GPHN: variants seen among roughly 807,000 people sequenced by gnomAD.
GPHN encodes the protein gephyrin.
In GPHN, 17 loss-of-function variants were observed where a neutral mutation model predicts 95.5. The ratio of observed to expected loss-of-function variants is 0.18; its 90% CI spans 0.12 to 0.27. GPHN has a LOEUF of 0.27. GPHN is among the 10% of genes least tolerant of loss of function. The pLI, the probability that GPHN is intolerant of heterozygous loss-of-function variation, is 1.00. For missense variants in GPHN, 660 were observed against 978.1 expected, an observed-to-expected ratio of 0.67 and a Z score of 4.34; for synonymous variants, 320 against 322.5, an observed-to-expected ratio of 0.99 and a Z score of 0.08.
intron 10 of GPHN, among the ~76,000 whole-genome samples, chr14:67,054,531 T>G (rs2075458050): frequency 6.6e-6 from 1 of 152,072 alleles, no homozygotes; most frequent in East Asian, 1.9e-4. Context: ...CTGCCCAGAG[T>G]AATTTATAGA....
chr14:67,018,248 C>T (rs1185318686), intron 9 of GPHN, among the ~76,000 whole-genome samples: 1 of 151,958 alleles, frequency 6.6e-6, no homozygotes, highest in Non-Finnish European at 1.5e-5. Context: ...AGTCATCAAA[C>T]TTTTAATACT....
intron 5 of GPHN, among the ~76,000 whole-genome samples, chr14:66,907,431 A>G (rs997061966): frequency 2.0e-5 from 3 of 152,194 alleles, no homozygotes; most frequent in East Asian, 1.9e-4. Flanking sequence ...AAAGAAAGAT[A>G]TAGGTGAATG....
chr14:67,011,573 CAAAAAAAAA>C (rs201978777), intron 9 of GPHN, among the ~76,000 whole-genome samples: 4 of 63,192 alleles, frequency 6.3e-5, no homozygotes, highest in African/African-American at 2.4e-4. Context: ...GACCTTGCCT[CAAAAAAAAA>C]AAAAAAAAAA....
At chr14:67,602,650 T>G in the GPHN span, among the ~76,000 whole-genome samples, 3 of 152,224 alleles carry the variant, frequency 2.0e-5, no homozygotes, top group Admixed American at 2.0e-4. Context: ...TTCATTAACT[T>G]CTAATTAAAA....
the GPHN span, among the ~76,000 whole-genome samples, chr14:67,295,461 G>C: frequency 6.6e-6 from 1 of 150,678 alleles, no homozygotes; most frequent in Non-Finnish European, 1.5e-5. Flanking sequence ...CTGCATTCCA[G>C]TCTGGGCGAC....
At chr14:67,388,415 G>A in the GPHN span, 1 of 719,618 alleles carries the variant, frequency 1.4e-6, no homozygotes, top group Admixed American at 1.9e-5. Context: ...ATTTGTAATA[G>A]AAGATGAAGC....
chr14:66,786,086 A>G (rs1389396806), intron 3 of GPHN, among the ~76,000 whole-genome samples: 1 of 142,622 alleles, frequency 7.0e-6, no homozygotes, highest in African/African-American at 2.4e-5. Flanking sequence ...GGAAAACAAT[A>G]GTCAGTAAAA....
chr14:67,127,934 C>T (rs1486011487), intron 17 of GPHN, among the ~76,000 whole-genome samples: 1 of 152,182 alleles, frequency 6.6e-6, no homozygotes, highest in Non-Finnish European at 1.5e-5. Context: ...TATGTAAACA[C>T]AAAATGCCTG....
chr14:67,150,453 C>CAA (rs1164806975), intron 18 of GPHN, among the ~76,000 whole-genome samples: 17,459 of 98,712 alleles, frequency 0.18, 2,146 homozygotes, highest in African/African-American at 0.42. Flanking sequence ...AAAAAAAAAA[C>CAA]AAAAAAAAAA....
At chr14:67,318,342 T>A in the GPHN span, among the ~76,000 whole-genome samples, 1 of 152,214 alleles carries the variant, frequency 6.6e-6, no homozygotes, top group Non-Finnish European at 1.5e-5. Context: ...AAAATAAATA[T>A]CCTTTAATGC....
chr14:67,579,565 A>G, the GPHN span: 1 of 721,280 alleles, frequency 1.4e-6, no homozygotes, highest in Non-Finnish European at 2.3e-6. Context: ...TCCCTCATGC[A>G]CTGGCCCTTT....
chr14:67,619,294 A>G, the GPHN span, among the ~76,000 whole-genome samples: 2 of 152,228 alleles, frequency 1.3e-5, no homozygotes, highest in African/African-American at 4.8e-5. Context: ...GTAAAGAATT[A>G]AAAACATCTA....
chr14:66,867,552 T>A (rs1326084539), intron 4 of GPHN, among the ~76,000 whole-genome samples: 1 of 152,200 alleles, frequency 6.6e-6, no homozygotes, highest in East Asian at 1.9e-4. Flanking sequence ...ATTTTAAGGA[T>A]ACCTACTCTG....
At chr14:67,169,432 G>T (rs1446464631) in intron 21 of GPHN, among the ~76,000 whole-genome samples, 1 of 152,168 alleles carries the variant, frequency 6.6e-6, no homozygotes. Context: ...CTTTTTCTGT[G>T]ACTTCAACGA....
intron 17 of GPHN, among the ~76,000 whole-genome samples, chr14:67,128,381 C>T (rs763122502): frequency 1.2e-4 from 18 of 152,018 alleles, no homozygotes; most frequent in Non-Finnish European, 2.2e-4. Flanking sequence ...CTCAGCCTCC[C>T]GAGTAGCTGA....
chr14:67,729,787 T>A, the GPHN span: 1 of 500,378 alleles, frequency 2.0e-6, no homozygotes, highest in South Asian at 1.5e-5. Flanking sequence ...CGGTGTGAAC[T>A]CTGTCCCTCA....
the GPHN span, among the ~76,000 whole-genome samples, chr14:67,554,184 A>G: frequency 6.6e-6 from 1 of 152,166 alleles, no homozygotes; most frequent in Non-Finnish European, 1.5e-5. Context: ...CCAAATATGA[A>G]CTACTGCTTC....
At chr14:66,773,156 G>A (rs1013658495) in intron 2 of GPHN, among the ~76,000 whole-genome samples, 9 of 152,092 alleles carry the variant, frequency 5.9e-5, no homozygotes, top group African/African-American at 2.2e-4. Context: ...AAGTGCAATC[G>A]GGCAGACTTG....
At chr14:67,128,937 C>T (rs1349019548) in intron 17 of GPHN, among the ~76,000 whole-genome samples, 2 of 151,732 alleles carry the variant, frequency 1.3e-5, no homozygotes, top group African/African-American at 4.8e-5. Flanking sequence ...GCCTCAGCCT[C>T]CCAAGTAGCT....
Sources: allele counts gnomAD v4.1 joint callset (sites outside exome capture counted in the v4.1 genomes callset), GRCh38; gene constraint gnomAD v4.1.1; transcripts MANE v1.5; gene names NCBI Gene and HGNC (gene_info 2026-07-23, HGNC 2026-07-21).